The following ZFHX3 variants were observed in gnomAD, a reference collection of about 807,000 sequenced individuals.
The protein encoded by ZFHX3 is zinc finger homeobox protein 3.
A neutral mutation model predicts 279.1 loss-of-function variants in ZFHX3; 42 were observed. The observed-to-expected ratio is 0.15, with a 90% CI of 0.12 to 0.19. ZFHX3 has a LOEUF of 0.19. Among genes scored for constraint, ZFHX3 ranks in the 10% least tolerant of loss-of-function variants. The probability of loss-of-function intolerance (pLI) is 1.00; values close to 1 mark genes in which losing one functional copy is unlikely to be tolerated. For missense variants in ZFHX3, 4,981 were observed against 4,754.0 expected (o/e 1.05, Z -1.40); for synonymous variants, 2,293 against 1,957.8 (o/e 1.17, Z -4.52).
chr16:73,674,199 A>G (rs990258), intron 2 of ZFHX3, among the ~76,000 whole-genome samples: 103,246 of 152,096 alleles, frequency 0.68, 35,133 homozygotes, highest in Middle Eastern at 0.84. Context: ...ATATACAGAA[A>G]AGTGTAAAAT....
chr16:73,857,825 G>A (rs1483286682), intron 1 of ZFHX3, among the ~76,000 whole-genome samples: 3 of 152,072 alleles, frequency 2.0e-5, no homozygotes, highest in African/African-American at 7.2e-5. Context: ...TATGTCCCTG[G>A]GCCAGGCACG....
At chr16:72,885,328 C>T (rs1381317455) in intron 4 of ZFHX3, among the ~76,000 whole-genome samples, 2 of 152,250 alleles carry the variant, frequency 1.3e-5, no homozygotes, top group Non-Finnish European at 2.9e-5. Flanking sequence ...CGTGCCCAAC[C>T]ACGAGGCCTC....
At chr16:73,118,597 G>T (rs1277994895) in intron 7 of ZFHX3, among the ~76,000 whole-genome samples, 4 of 152,136 alleles carry the variant, frequency 2.6e-5, no homozygotes, top group Admixed American at 6.5e-5. Flanking sequence ...TCAGTGTATT[G>T]GGTGTATTGG....
chr16:73,838,894 C>G (rs774204693), intron 1 of ZFHX3, among the ~76,000 whole-genome samples: 1 of 151,740 alleles, frequency 6.6e-6, no homozygotes, highest in Non-Finnish European at 1.5e-5. Flanking sequence ...TTTTGTTGGC[C>G]TAAAAGGGCA....
chr16:73,654,564 A>C (rs2052703440), intron 2 of ZFHX3, among the ~76,000 whole-genome samples: 1 of 152,164 alleles, frequency 6.6e-6, no homozygotes, highest in Admixed American at 6.5e-5. Context: ...TGAAATTCCT[A>C]AAAAATTTAT....
At chr16:72,910,024 C>T (rs2039279508) in intron 3 of ZFHX3, among the ~76,000 whole-genome samples, 1 of 152,104 alleles carries the variant, frequency 6.6e-6, no homozygotes, top group Admixed American at 6.6e-5. Context: ...AACTTCACTG[C>T]TTGTTTTCAA....
chr16:73,777,849 CT>C (rs1261039078), intron 1 of ZFHX3, among the ~76,000 whole-genome samples: 1 of 151,386 alleles, frequency 6.6e-6, no homozygotes, highest in Non-Finnish European at 1.5e-5. Flanking sequence ...AGAACTGGGA[CT>C]TTTTTTTTCT....
chr16:73,606,486 CAA>C (rs57861119), intron 2 of ZFHX3, among the ~76,000 whole-genome samples: 638 of 133,740 alleles, frequency 4.8e-3, no homozygotes, highest in Middle Eastern at 0.015. Context: ...GACTTTGTCT[CAA>C]AAAAAAAAAA....
At chr16:73,102,490 TTGAATTGAACAGG>T (rs1966244530) in intron 7 of ZFHX3, among the ~76,000 whole-genome samples, 1 of 152,242 alleles carries the variant, frequency 6.6e-6, no homozygotes, top group Admixed American at 6.5e-5. Flanking sequence ...AAAATATTTG[TTGAATTGAACAGG>T]TGAATTTCTT....
At chr16:73,353,399 C>G (rs999947843) in intron 3 of ZFHX3, among the ~76,000 whole-genome samples, 10 of 152,212 alleles carry the variant, frequency 6.6e-5, no homozygotes, top group Admixed American at 2.6e-4. Context: ...AGCGACCTGA[C>G]TGAAATGAGC....
intron 1 of ZFHX3, among the ~76,000 whole-genome samples, chr16:73,885,315 A>T (rs1289330329): frequency 6.6e-5 from 10 of 152,154 alleles, no homozygotes; most frequent in Non-Finnish European, 2.9e-5. Context: ...ATTTATTTTT[A>T]AAAAACTTTT....
At chr16:73,390,355 G>A (rs1258906094) in intron 3 of ZFHX3, among the ~76,000 whole-genome samples, 1 of 152,134 alleles carries the variant, frequency 6.6e-6, no homozygotes, top group Admixed American at 6.5e-5. Flanking sequence ...AGAAGCTTCT[G>A]GAGGGCAGGA....
intron 4 of ZFHX3, among the ~76,000 whole-genome samples, chr16:72,858,678 A>G (rs143653237): frequency 6.4e-4 from 98 of 152,336 alleles, no homozygotes; most frequent in Non-Finnish European, 1.0e-3. Flanking sequence ...TACCCCTTGG[A>G]GGCGAGCAGC....
intron 1 of ZFHX3, among the ~76,000 whole-genome samples, chr16:73,013,801 G>T (rs1166820377): frequency 2.6e-5 from 4 of 152,096 alleles, no homozygotes; most frequent in Non-Finnish European, 4.4e-5. Context: ...GCCCTCCTGA[G>T]CCACCTACCT....
intron 1 of ZFHX3, among the ~76,000 whole-genome samples, chr16:72,978,144 C>T (rs143306021): frequency 0.011 from 1,642 of 152,324 alleles, 20 homozygotes; most frequent in African/African-American, 0.033. Context: ...GGATTACAGG[C>T]GTGAGCCACC....
intron 2 of ZFHX3, among the ~76,000 whole-genome samples, chr16:73,506,309 A>G (rs986585379): frequency 6.6e-6 from 1 of 152,192 alleles, no homozygotes; most frequent in Non-Finnish European, 1.5e-5. Context: ...GGAATGCCTA[A>G]GAAATCTAAC....
intron 1 of ZFHX3, among the ~76,000 whole-genome samples, chr16:73,785,233 A>G (rs961796336): frequency 2.0e-5 from 3 of 152,190 alleles, no homozygotes; most frequent in Admixed American, 6.5e-5. Flanking sequence ...GTTTATTATA[A>G]CTACAGTTCT....
chr16:73,834,888 CA>C (rs57435103), intron 1 of ZFHX3, among the ~76,000 whole-genome samples: 8 of 139,890 alleles, frequency 5.7e-5, no homozygotes, highest in South Asian at 5.1e-4. Flanking sequence ...GACTTCGTCT[CA>C]AAAAAAAAAG....
intron 1 of ZFHX3, among the ~76,000 whole-genome samples, chr16:73,684,991 G>C (rs1254056576): frequency 6.8e-6 from 1 of 147,772 alleles, no homozygotes; most frequent in African/African-American, 2.5e-5. Flanking sequence ...GAGCCACTGT[G>C]CCAGGCCCAA....
Sources: gnomAD v4.1 joint callset for allele counts (sites outside exome capture counted in the v4.1 genomes callset) on GRCh38, gnomAD v4.1.1 for gene constraint, MANE v1.5 for transcripts, NCBI Gene and HGNC (gene_info 2026-07-23, HGNC 2026-07-21) for gene names.